The following DENR variants were observed in gnomAD, a reference collection of about 807,000 sequenced individuals.
DENR encodes density-regulated protein.
In DENR, 6 loss-of-function variants were observed where a neutral mutation model predicts 30.6. That is an observed-to-expected ratio of 0.20 (90% CI 0.11 to 0.39). DENR has a LOEUF of 0.39. DENR is among the 10% of genes least tolerant of loss of function. The probability of loss-of-function intolerance (pLI) is 1.00; values close to 1 mark genes in which losing one functional copy is unlikely to be tolerated. For missense variants in DENR, 141 were observed against 230.9 expected, an observed-to-expected ratio of 0.61 and a Z score of 2.52; for synonymous variants, 78 against 72.1, an observed-to-expected ratio of 1.08 and a Z score of -0.41.
intron 2 of DENR, 109 bp downstream of exon 2, chr12:122,753,916 T>A (rs936407487): frequency 4.3e-6 from 4 of 938,310 alleles, no homozygotes; most frequent in Admixed American, 4.0e-5. Flanking sequence ...ATTTGGTGAG[T>A]TTGTACTGGG....
Position 122,769,506 on chromosome 12 carries a change from C to A in DENR, c.*428C>A. ...TTTGGTACTGACTTTCTCTCTCTCTCTCTCTCTCTTTTTTTTTTTTGACAG... is the reference window on the plus strand; with the variant it reads ...TTTGGTACTGACTTTCTCTCTCTCTATCTCTCTCTTTTTTTTTTTTGACAG... On this transcript the variant is annotated 3_prime_UTR_variant, in exon 8 of 8. Coordinates refer to ENST00000280557, the MANE Select transcript of DENR (RefSeq NM_003677.5). The A allele has an allele frequency of 1.0e-6, 1 of 979,646 alleles. No homozygotes were observed. Among genetic ancestry groups the A allele is most frequent in the Admixed American group, 6.2e-5 (1 of 16,140 alleles). 60.7% of individuals were successfully genotyped at this position (979,646 alleles called of 1,614,324 possible).
chr12:122,753,539 C>T (rs528525673), intron 1 of DENR, among the ~76,000 whole-genome samples, 154 bp from the exon 2 acceptor site: 7 of 152,296 alleles, frequency 4.6e-5, no homozygotes, highest in African/African-American at 1.4e-4. Flanking sequence ...CCTGGGATTG[C>T]TCATATTTTA....
chr12:122,754,250 G>A (rs2649896), intron 2 of DENR: 15,315 of 194,398 alleles, frequency 0.079, 845 homozygotes, highest in South Asian at 0.26. Flanking sequence ...CTGGTGTATC[G>A]TATAGGGAGG....
At chr12:122,760,694 G>A (rs1878675728) in intron 2 of DENR, among the ~76,000 whole-genome samples, 1 of 152,178 alleles carries the variant, frequency 6.6e-6, no homozygotes. Context: ...TAGTGCTACT[G>A]CAGTCCGGCC....
chr12:122,756,097 G>A (rs755923014), intron 2 of DENR, among the ~76,000 whole-genome samples: 1 of 152,208 alleles, frequency 6.6e-6, no homozygotes, highest in Non-Finnish European at 1.5e-5. Flanking sequence ...TAAATTGGCA[G>A]AGGCCCTGTC....
Position 122,769,159 on chromosome 12 carries a change from TATATATACAC to T in DENR, c.*89_*98del. ...GGAGAGAGGCCTTTTAAAATATATA[TATATATACAC>T]ATATATATGTATATATACACATATA... is the stretch of plus-strand genomic sequence containing the variant. On this transcript the variant is annotated 3_prime_UTR_variant, in exon 8 of 8. Transcript: ENST00000280557. 1 of 1,324,820 alleles carries T rather than the reference TATATATACAC, an allele frequency of 7.5e-7. No homozygotes were observed. The highest frequency in any genetic ancestry group is 1.0e-6 in the Non-Finnish European group (1 of 996,760). 82.1% of individuals were successfully genotyped at this position (1,324,820 alleles called of 1,614,324 possible). A position where few individuals can be genotyped will look rare whatever the true frequency, so the allele number is the denominator to read the frequency against.
intron 2 of DENR, among the ~76,000 whole-genome samples, chr12:122,756,203 C>A (rs1310269614): frequency 6.6e-6 from 1 of 152,188 alleles, no homozygotes. Context: ...AATCCAAGCA[C>A]TTTGGGAGGC....
At chr12:122,765,847 G>A (rs61176973) in intron 5 of DENR, among the ~76,000 whole-genome samples, 8,043 of 151,980 alleles carry the variant, frequency 0.053, 396 homozygotes, top group East Asian at 0.27. Flanking sequence ...GTAGAGTGAG[G>A]ACATTTATAT....
rs1451393607 is a variant in DENR, at chr12:122,757,329, A to G, written c.106+3522A>G. Among the ~76,000 whole-genome samples, 3 of 152,242 alleles carry G rather than the reference A, an allele frequency of 2.0e-5. No individual in the cohort carries two copies. In the East Asian group the frequency reaches 5.8e-4, roughly 29 times the overall value. On this transcript the variant is annotated intron_variant, in intron 2 of 7. Transcript: ENST00000280557. Reference sequence around the variant, plus strand: ...TGTGCTCCATATACAGAAATAAGACATAATTATCTCCTGGAAACTGAGCTT... The same window carrying G: ...TGTGCTCCATATACAGAAATAAGACGTAATTATCTCCTGGAAACTGAGCTT...
rs1217776493 is a variant in DENR at position 122,769,382 on chromosome 12, G to C, written c.*304G>C. ...TCGTCCTTGGCATTTTCACTGTTCT[G>C]TACAAGGCTGCTTGTTTTTTTATTG... On this transcript the variant is annotated 3_prime_UTR_variant, in exon 8 of 8. Transcript: ENST00000280557. The C allele has an allele frequency of 1.0e-6, 1 of 989,258 alleles. No homozygotes were observed. The highest frequency in any genetic ancestry group is 1.2e-6 in the Non-Finnish European group (1 of 832,704). The allele number at this position is 989,258 out of a possible 1,614,324, so 61.3% of individuals were successfully genotyped here.
At position 122,768,681 on chromosome 12, in the gene DENR, CTG is replaced by C. The variant is rs1878913806; in HGVS notation, c.413-99_413-98del. The C allele has an allele frequency of 5.7e-6, 6 of 1,056,582 alleles. No homozygotes were observed. In the South Asian group the frequency reaches 7.0e-5, roughly 12 times the overall value. 65.5% of individuals were successfully genotyped at this position (1,056,582 alleles called of 1,614,324 possible). A position where few individuals can be genotyped will look rare whatever the true frequency, so the allele number is the denominator to read the frequency against. ...AAGGAATATAAAACCCATTAACAATCTGTTTTATGATTTTAAAATGCAGATTA... is the reference window on the plus strand; with the variant it reads ...AAGGAATATAAAACCCATTAACAATCTTTTATGATTTTAAAATGCAGATTA... On this transcript the variant is annotated intron_variant, in intron 6 of 7. Coordinates refer to ENST00000280557, the MANE Select transcript of DENR (RefSeq NM_003677.5).
intron 4 of DENR, among the ~76,000 whole-genome samples, chr12:122,764,750 G>A (rs751865571): frequency 6.6e-6 from 1 of 152,182 alleles, no homozygotes; most frequent in Non-Finnish European, 1.5e-5. Context: ...GAACAGGCCT[G>A]CTCAGAGACA....
intron 4 of DENR, 36 bp from the exon 5 acceptor site, chr12:122,765,268 G>T (rs1488951922): frequency 8.7e-6 from 13 of 1,490,350 alleles, no homozygotes; most frequent in Non-Finnish European, 1.2e-5. Context: ...AGTGTGAGAT[G>T]ATGTTCATGC....
intron 4 of DENR, among the ~76,000 whole-genome samples, chr12:122,764,547 C>A (rs1022434115): frequency 6.6e-6 from 1 of 152,156 alleles, no homozygotes; most frequent in Non-Finnish European, 1.5e-5. Context: ...TTGCAGTGAG[C>A]CGAGATCGCA....
chr12:122,764,456 G>A (rs1039682807), intron 4 of DENR, among the ~76,000 whole-genome samples: 11 of 152,096 alleles, frequency 7.2e-5, no homozygotes, highest in Non-Finnish European at 1.2e-4. Context: ...AAAATTAGCC[G>A]GGCGAGGTGG....
rs1174057733 is a variant in DENR, at chr12:122,762,933, T to G, written c.211+4T>G. 6.6e-7 allele frequency: 1 copy of G among 1,513,294 alleles called. No homozygotes were observed. Among genetic ancestry groups the G allele is most frequent in the East Asian group, 2.5e-5 (1 of 40,698 alleles). The allele number at this position is 1,513,294 out of a possible 1,614,324, so 93.7% of individuals were successfully genotyped here. ...GAATTTGCAAAACTTACTGTAGGTA[T>G]GAACATTTTTTTTCTTGCATTAAAC... On this transcript the variant is annotated splice_donor_region_variant and intron_variant, in intron 4 of 7. Transcript: ENST00000280557.
Position 122,762,210 on chromosome 12 carries a change from A to C in DENR, c.126+4A>C, listed in dbSNP as rs1396983370. ...AGTCTGTTCATTACCAACAGAGGTAAGTTCTTTAATTTTTTTTTTTACCTT... is the reference window on the plus strand; with the variant it reads ...AGTCTGTTCATTACCAACAGAGGTACGTTCTTTAATTTTTTTTTTTACCTT... On this transcript the variant is annotated splice_donor_region_variant and intron_variant, in intron 3 of 7. Coordinates refer to ENST00000280557, the MANE Select transcript of DENR (RefSeq NM_003677.5). 1 of 1,425,478 alleles carries C rather than the reference A, an allele frequency of 7.0e-7. No individual in the cohort carries two copies. The highest frequency in any genetic ancestry group is 9.5e-7 in the Non-Finnish European group (1 of 1,050,118). The allele number at this position is 1,425,478 out of a possible 1,614,324, so 88.3% of individuals were successfully genotyped here.
At chr12:122,754,268 G>A (rs544764689) in intron 2 of DENR, 5 of 171,772 alleles carry the variant, frequency 2.9e-5, no homozygotes, top group East Asian at 1.5e-4. Context: ...AGGGTGGCCC[G>A]TTAAGGAGTG....
intron 2 of DENR, among the ~76,000 whole-genome samples, chr12:122,760,796 A>C (rs1471561273): frequency 6.6e-6 from 1 of 152,202 alleles, no homozygotes; most frequent in Non-Finnish European, 1.5e-5. Flanking sequence ...TAAAATTGGA[A>C]GCTTTTCCAG....
Sources: allele counts gnomAD v4.1 joint callset (sites outside exome capture counted in the v4.1 genomes callset), GRCh38; gene constraint gnomAD v4.1.1; transcripts MANE v1.5; gene names NCBI Gene and HGNC (gene_info 2026-07-23, HGNC 2026-07-21).